PTPRQ: variants seen among roughly 807,000 people sequenced by gnomAD.
PTPRQ encodes protein tyrosine phosphatase receptor type Q, also known as phosphatidylinositol phosphatase PTPRQ.
PTPRQ carries 199 observed loss-of-function variants against 246.0 expected under a neutral mutation model. That is an observed-to-expected ratio of 0.81 (90% CI 0.72 to 0.91). The LOEUF is 0.91. Among genes scored for constraint, PTPRQ ranks in the 40% least tolerant of loss-of-function variants. PTPRQ has a pLI of 0.00. For missense variants in PTPRQ, 2,624 were observed against 2,528.4 expected (o/e 1.04, Z -0.81); for synonymous variants, 869 against 853.2 (o/e 1.02, Z -0.32).
chr12:80,618,404 A>G (rs1277463864), intron 30 of PTPRQ, among the ~76,000 whole-genome samples: 1 of 149,400 alleles, frequency 6.7e-6, no homozygotes, highest in Non-Finnish European at 1.5e-5. Flanking sequence ...ACACACACAC[A>G]GTGAGCTATA....
intron 25 of PTPRQ, among the ~76,000 whole-genome samples, chr12:80,562,837 G>A (rs1565788146): frequency 6.6e-6 from 1 of 151,862 alleles, no homozygotes; most frequent in Non-Finnish European, 1.5e-5. Context: ...TGAAAAGCTT[G>A]TTCTTTGAAA....
At chr12:80,615,373 T>A (rs1197468017) in intron 29 of PTPRQ, among the ~76,000 whole-genome samples, 1 of 150,962 alleles carries the variant, frequency 6.6e-6, no homozygotes, top group African/African-American at 2.4e-5. Context: ...ATAAAACAAA[T>A]TAAGTAATTC....
At chr12:80,494,619 T>A (rs180688089) in intron 10 of PTPRQ, among the ~76,000 whole-genome samples, 1 of 152,088 alleles carries the variant, frequency 6.6e-6, no homozygotes, top group Admixed American at 6.6e-5. Context: ...TTTAAGAAAG[T>A]TGTTTTCTTA....
intron 17 of PTPRQ, chr12:80,512,859 G>A (rs1895162344): frequency 6.6e-6 from 1 of 152,098 alleles, no homozygotes; most frequent in Non-Finnish European, 1.5e-5. Context: ...AAAGTGGGGT[G>A]AGGGAATCTC....
At chr12:80,538,058 G>T (rs568877141) in intron 19 of PTPRQ, among the ~76,000 whole-genome samples, 1 of 152,044 alleles carries the variant, frequency 6.6e-6, no homozygotes, top group Non-Finnish European at 1.5e-5. Flanking sequence ...GCAGTGAGCC[G>T]AGATCGTGCC....
At chr12:80,653,689 G>A (rs12318893) in intron 38 of PTPRQ, among the ~76,000 whole-genome samples, 13,051 of 152,120 alleles carry the variant, frequency 0.086, 746 homozygotes, top group South Asian at 0.18. Context: ...CTAGAAAGAC[G>A]TAGACCTAGA....
chr12:80,673,356 G>A (rs755435585), intron 43 of PTPRQ, 52 bp downstream of exon 43: 94 of 1,516,830 alleles, frequency 6.2e-5, no homozygotes, highest in Non-Finnish European at 8.0e-5. Flanking sequence ...TTTCCACATG[G>A]GAGATCTTAG....
chr12:80,642,074 C>T (rs1403749768), intron 35 of PTPRQ, among the ~76,000 whole-genome samples: 1 of 152,080 alleles, frequency 6.6e-6, no homozygotes, highest in Non-Finnish European at 1.5e-5. Context: ...TCAATCAGAG[C>T]CCTTACCCTG....
intron 7 of PTPRQ, among the ~76,000 whole-genome samples, chr12:80,469,300 A>T (rs958668864): frequency 6.6e-6 from 1 of 152,154 alleles, no homozygotes; most frequent in African/African-American, 2.4e-5. Context: ...GTGGACCTAA[A>T]ACTGCTTTAA....
intron 20 of PTPRQ, 129 bp from the exon 21 acceptor site, chr12:80,541,426 T>C: frequency 3.4e-6 from 2 of 593,918 alleles, no homozygotes; most frequent in Non-Finnish European, 5.0e-6. Flanking sequence ...GTTTGCCACA[T>C]CTGCATTTAA....
chr12:80,450,284 C>A (rs982442332), intron 3 of PTPRQ, among the ~76,000 whole-genome samples: 1 of 152,116 alleles, frequency 6.6e-6, no homozygotes, highest in Non-Finnish European at 1.5e-5. Flanking sequence ...TGGGCTGAGA[C>A]GATGGGGTTT....
intron 25 of PTPRQ, among the ~76,000 whole-genome samples, chr12:80,552,302 T>G (rs1259866888): frequency 2.0e-5 from 3 of 151,916 alleles, no homozygotes; most frequent in Non-Finnish European, 4.4e-5. Flanking sequence ...AAAATCCAGG[T>G]AGGTGGTCTG....
intron 25 of PTPRQ, among the ~76,000 whole-genome samples, chr12:80,554,648 T>C (rs1896590894): frequency 6.6e-6 from 1 of 152,222 alleles, no homozygotes; most frequent in South Asian, 2.1e-4. Flanking sequence ...ATATCAGGCA[T>C]ATGCAGTGAT....
intron 28 of PTPRQ, among the ~76,000 whole-genome samples, chr12:80,611,029 A>G (rs1422494502): frequency 6.7e-6 from 1 of 150,312 alleles, no homozygotes; most frequent in African/African-American, 2.4e-5. Context: ...AACTTGTAAT[A>G]CTCTGTGAGT....
Position 80,549,556 on chromosome 12 carries a change from A to T in PTPRQ, c.4107A>T (p.Ile1369=). 9 of 1,551,226 alleles carry T rather than the reference A, an allele frequency of 5.8e-6. No individual in the cohort carries two copies. The highest frequency in any genetic ancestry group is 7.8e-6 in the Non-Finnish European group (9 of 1,146,598). Residue 1369 remains isoleucine (I), a synonymous_variant, in exon 25 of 45, where the codon ATA becomes ATT. Transcript: ENST00000644991. ...ATCCACCCAAAAAGGCAAATGGAATAATAACGCAGTATATGGTAACAGTTG... is the reference window on the plus strand; with the variant it reads ...ATCCACCCAAAAAGGCAAATGGAATTATAACGCAGTATATGGTAACAGTTG... ...KWDPPKKANG[I]ITQYMVTVER... is the part of the protein sequence containing the mutation.
At chr12:80,669,550 T>A (rs1333634335) in intron 41 of PTPRQ, 86 bp downstream of exon 41, 14 of 1,455,652 alleles carry the variant, frequency 9.6e-6, no homozygotes, top group Non-Finnish European at 1.3e-5. Flanking sequence ...TCTAGAACTA[T>A]CCCTTTCAAG....
intron 19 of PTPRQ, among the ~76,000 whole-genome samples, chr12:80,539,271 A>G (rs916370496): frequency 6.6e-6 from 1 of 152,128 alleles, no homozygotes; most frequent in Non-Finnish European, 1.5e-5. Context: ...AAGTCTGAAA[A>G]GAAATGTGAA....
chr12:80,557,389 A>T lies in PTPRQ; in HGVS notation c.4285+7655A>T, dbSNP rs923513391. ...CTGTGGGTCTGTTCTCACATGCTGC[A>T]TGGGGACAGAGATTTTTCTTGGTTC... On this transcript the variant is annotated intron_variant, in intron 25 of 44. Coordinates refer to ENST00000644991, the MANE Select transcript of PTPRQ (RefSeq NM_001145026.2). Among the ~76,000 whole-genome samples, 3 of 151,430 alleles carry T rather than the reference A, an allele frequency of 2.0e-5. No homozygotes were observed. The Admixed American group carries it at 2.0e-4, about 10-fold the overall frequency.
intron 23 of PTPRQ, among the ~76,000 whole-genome samples, chr12:80,544,260 C>T (rs142842306): frequency 4.6e-5 from 7 of 152,120 alleles, no homozygotes; most frequent in African/African-American, 1.7e-4. Flanking sequence ...CTCCATAGAG[C>T]ATTTTGAACA....
Sources: gnomAD v4.1 joint callset for allele counts (sites outside exome capture counted in the v4.1 genomes callset) on GRCh38, gnomAD v4.1.1 for gene constraint, MANE v1.5 for transcripts, NCBI Gene and HGNC (gene_info 2026-07-23, HGNC 2026-07-21) for gene names.